Variants in WDR27 observed in about 807,000 individuals in gnomAD.
WDR27 encodes the protein WD repeat domain 27, also known as WD repeat-containing protein 27.
In WDR27, 100 loss-of-function variants were observed where a neutral mutation model predicts 114.4. The observed-to-expected ratio is 0.87, with a 90% CI of 0.74 to 1.03. The LOEUF is 1.03. WDR27 is among the 50% of genes least tolerant of loss of function. The pLI, the probability that WDR27 is intolerant of heterozygous loss-of-function variation, is 0.00. For missense variants in WDR27, 1,129 were observed against 1,092.9 expected (o/e 1.03, Z -0.47); for synonymous variants, 449 against 423.1 (o/e 1.06, Z -0.75).
At chr6:169,580,713 T>C (rs1208204459) in intron 24 of WDR27, among the ~76,000 whole-genome samples, 1 of 152,100 alleles carries the variant, frequency 6.6e-6, no homozygotes, top group East Asian at 1.9e-4. Context: ...TTTTAAGAGT[T>C]ACTGTAGTCA....
At chr6:169,437,580 C>A in the WDR27 span, among the ~76,000 whole-genome samples, 1 of 152,086 alleles carries the variant, frequency 6.6e-6, no homozygotes, top group Non-Finnish European at 1.5e-5. Flanking sequence ...ATCTCAGTGG[C>A]TAGGCTTTAT....
chr6:169,428,849 G>A, the WDR27 span, among the ~76,000 whole-genome samples: 1 of 152,156 alleles, frequency 6.6e-6, no homozygotes, highest in African/African-American at 2.4e-5. Context: ...TCCTCTTCCC[G>A]TGAAGGAAGT....
At chr6:169,697,415 C>T (rs752881909) in intron 1 of WDR27, among the ~76,000 whole-genome samples, 5 of 152,148 alleles carry the variant, frequency 3.3e-5, no homozygotes, top group Non-Finnish European at 7.4e-5. Context: ...TGCTACTTAG[C>T]AGACCGGGAA....
At chr6:169,505,145 G>T (rs6939732) in intron 25 of WDR27, among the ~76,000 whole-genome samples, 5,526 of 152,242 alleles carry the variant, frequency 0.036, 266 homozygotes, top group African/African-American at 0.11. Flanking sequence ...CTTTGGAGAT[G>T]AATGTAGATC....
intron 25 of WDR27, among the ~76,000 whole-genome samples, chr6:169,542,546 C>T (rs1473572146): frequency 2.0e-5 from 3 of 152,080 alleles, no homozygotes; most frequent in African/African-American, 7.2e-5. Flanking sequence ...TGAAATGCAT[C>T]ATCCTGAAGA....
At chr6:169,472,149 G>T (rs1156788082) in intron 25 of WDR27, among the ~76,000 whole-genome samples, 1 of 152,150 alleles carries the variant, frequency 6.6e-6, no homozygotes, top group Non-Finnish European at 1.5e-5. Context: ...GACATTGATA[G>T]ATGTTTGCTT....
At chr6:169,549,418 CTGGTGGGAGTGCAAAA>C (rs1291189406) in intron 25 of WDR27, among the ~76,000 whole-genome samples, 1 of 152,156 alleles carries the variant, frequency 6.6e-6, no homozygotes, top group Non-Finnish European at 1.5e-5. Context: ...CCATTCATTG[CTGGTGGGAGTGCAAAA>C]TGGTGCAGCC....
intron 25 of WDR27, among the ~76,000 whole-genome samples, chr6:169,510,747 G>A (rs1041097421): frequency 3.3e-5 from 5 of 151,866 alleles, no homozygotes; most frequent in African/African-American, 4.8e-5. Context: ...AAACCTGCAC[G>A]TTGTGCACAT....
intron 23 of WDR27, among the ~76,000 whole-genome samples, chr6:169,601,086 G>C (rs1241935167): frequency 2.0e-5 from 3 of 152,172 alleles, no homozygotes; most frequent in Non-Finnish European, 4.4e-5. Flanking sequence ...CCCACAAAGG[G>C]AAGCCCATCA....
At chr6:169,547,456 G>A (rs1797599795) in intron 25 of WDR27, among the ~76,000 whole-genome samples, 4 of 152,274 alleles carry the variant, frequency 2.6e-5, no homozygotes, top group South Asian at 4.1e-4. Context: ...ATCCAACAAT[G>A]TACGAAAGAA....
At chr6:169,698,917 A>G (rs1270629426) in intron 1 of WDR27, among the ~76,000 whole-genome samples, 5 of 152,208 alleles carry the variant, frequency 3.3e-5, no homozygotes, top group Non-Finnish European at 7.3e-5. Context: ...CTGTCAGCCT[A>G]CCTTGACTGA....
chr6:169,554,792 T>G (rs1400146339), intron 25 of WDR27, among the ~76,000 whole-genome samples: 1 of 152,212 alleles, frequency 6.6e-6, no homozygotes, highest in Non-Finnish European at 1.5e-5. Context: ...ACAGCCTACT[T>G]TTATGCATAA....
intron 21 of WDR27, among the ~76,000 whole-genome samples, chr6:169,629,514 A>G (rs529029181): frequency 2.3e-4 from 35 of 152,380 alleles, no homozygotes; most frequent in Middle Eastern, 3.4e-3. Context: ...ACCACCTTTA[A>G]TAAGAGTCAT....
chr6:169,445,300 T>C, the WDR27 span, among the ~76,000 whole-genome samples: 2 of 152,154 alleles, frequency 1.3e-5, no homozygotes. Flanking sequence ...GAGTCCTCTG[T>C]GCTGCTGGAA....
chr6:169,502,315 C>T (rs1441183085), intron 25 of WDR27, among the ~76,000 whole-genome samples: 2 of 152,290 alleles, frequency 1.3e-5, no homozygotes, highest in South Asian at 4.1e-4. Flanking sequence ...CTGAAAGATT[C>T]CCCCGGAAGC....
In WDR27 at chr6:169,664,381, T is replaced by C. The variant is rs1827181530; in HGVS notation, c.784-95A>G. ...AGGTGGAGCAGGGAGGGCAGACACG[T>C]CACAGGACGGGCCCTCCACGGCCTG... On this transcript the variant is annotated intron_variant, in intron 7 of 25. Transcript: ENST00000448612. 8 of 1,594,738 alleles carry C rather than the reference T, an allele frequency of 5.0e-6. No homozygotes were observed. The South Asian group carries it at 7.8e-5, about 16-fold the overall frequency.
At chr6:169,634,392 G>A in intron 20 of WDR27, 36 bp downstream of exon 20, 2 of 1,498,760 alleles carry the variant, frequency 1.3e-6, no homozygotes, top group Non-Finnish European at 9.2e-7. Context: ...AACACTCAGG[G>A]CGTAAAACCC....
At chr6:169,549,251 C>T (rs753648680) in intron 25 of WDR27, among the ~76,000 whole-genome samples, 1 of 152,122 alleles carries the variant, frequency 6.6e-6, no homozygotes, top group African/African-American at 2.4e-5. Context: ...AGGGACATAC[C>T]GATGGCAAAT....
At position 169,551,693 on chromosome 6, in the gene WDR27, C is replaced by T. The variant is rs538948609; in HGVS notation, c.2645+20726G>A. On this transcript the variant is annotated intron_variant, in intron 25 of 25. Transcript: ENST00000448612. ...TGGAGGTTGGAGTGAGCTGAGATTG[C>T]GCCATTGCACTCCAGCCTGGGCAAT... 1.5e-3 allele frequency among the ~76,000 whole-genome samples: 208 copies of T among 139,548 alleles called. 2 individuals carry two copies. Among genetic ancestry groups the T allele is most frequent in the Non-Finnish European group, 2.7e-3 (177 of 66,460 alleles). 91.5% of individuals were successfully genotyped at this position (139,548 alleles called of 152,430 possible).
Sources: allele counts gnomAD v4.1 joint callset (sites outside exome capture counted in the v4.1 genomes callset), GRCh38; gene constraint gnomAD v4.1.1; transcripts MANE v1.5; gene names NCBI Gene and HGNC (gene_info 2026-07-23, HGNC 2026-07-21).